ARMC12: variants seen among roughly 807,000 people sequenced by gnomAD.
The protein encoded by ARMC12 is armadillo repeat-containing protein 12.
A neutral mutation model predicts 37.4 loss-of-function variants in ARMC12; 25 were observed. The ratio of observed to expected loss-of-function variants is 0.67; its 90% CI spans 0.49 to 0.93. ARMC12 has a LOEUF of 0.93. ARMC12 is among the 40% of genes least tolerant of loss of function. The pLI is 0.00. For missense variants in ARMC12, 384 were observed against 426.6 expected, an observed-to-expected ratio of 0.90 and a Z score of 0.88; for synonymous variants, 167 against 176.1, an observed-to-expected ratio of 0.95 and a Z score of 0.41.
At chr6:35,737,829 G>A (rs2817040) in intron 1 of ARMC12, among the ~76,000 whole-genome samples, 198 bp from the exon 2 acceptor site, 34,425 of 152,142 alleles carry the variant, frequency 0.23, 4,290 homozygotes, top group South Asian at 0.36. Context: ...GTACGTTATG[G>A]ACAATACAAC....
At chr6:35,738,210 C>T (rs747132136) in intron 2 of ARMC12, 38 bp downstream of exon 2, 10 of 1,591,828 alleles carry the variant, frequency 6.3e-6, no homozygotes, top group South Asian at 1.1e-5. Context: ...CCGGCCTGGC[C>T]CCTGGGGGTT....
At chr6:35,736,099 A>G (rs149712527), upstream of ARMC12, among the ~76,000 whole-genome samples, 1 of 152,186 alleles carries the variant, frequency 6.6e-6, no homozygotes, top group Non-Finnish European at 1.5e-5. Context: ...TCCTTAAAGA[A>G]TGGCAGAACA....
intron 2 of ARMC12, 89 bp from the exon 3 acceptor site, chr6:35,738,295 G>GGGGT: frequency 7.1e-7 from 1 of 1,414,992 alleles, no homozygotes; most frequent in Non-Finnish European, 9.5e-7. Flanking sequence ...GTGGGGGGGG[G>GGGGT]GTGTGCGGAG....
chr6:35,748,688 G>T lies in ARMC12; in HGVS notation c.841G>T (p.Glu281Ter), dbSNP rs894511643. The change falls in exon 6 of 6, where the codon GAA becomes TAA. Residue 281 changes from glutamate (E) to a stop codon, truncating the protein, a stop_gained. Transcript: ENST00000373866. LOFTEE classifies it high-confidence loss of function. ...GCATTACAACGAACAGTCCCTGCAT[G>T]AATCCCTCTTTGGGGAAGAGTCCCG... ...KWHYNEQSLH[E>*]SLFGEESRLA... 1.2e-6 allele frequency: 2 copies of T among 1,614,168 alleles called. No homozygotes were observed. Among genetic ancestry groups the T allele is most frequent in the Admixed American group, 3.3e-5 (2 of 60,016 alleles).
At position 35,738,063 on chromosome 6, in the gene ARMC12, C is replaced by T. The variant is rs140854089; in HGVS notation, c.200C>T (p.Ser67Leu). 3.1e-6 allele frequency: 5 copies of T among 1,613,888 alleles called. No individual in the cohort carries two copies. Among genetic ancestry groups the T allele is most frequent in the Non-Finnish European group, 4.2e-6 (5 of 1,180,048 alleles). The part of the protein sequence containing the change: ...AVERERHGRD[S>L]GELRRLLNSL... ...GAGCGAGAGCGGCACGGGCGGGACT[C>T]AGGTGAGCTCCGGAGGCTCCTCAAC... The change falls in exon 2 of 6, where the codon TCA becomes TTA. Residue 67 changes from serine (S) to leucine (L), a missense_variant. Transcript: ENST00000373866.
At chr6:35,747,671 C>A (rs1281784629) in intron 5 of ARMC12, 24 bp downstream of exon 5, 1 of 1,607,162 alleles carries the variant, frequency 6.2e-7, no homozygotes, top group Non-Finnish European at 8.5e-7. Context: ...TGAAGAGGGG[C>A]TGATGAATGC....
In ARMC12 at chr6:35,738,293, G is replaced by C. The variant is rs1406313858; in HGVS notation, c.310-91G>C. ...CTCTCTGGCTGATAGCGGTGGGGGG[G>C]GGGTGTGCGGAGGGATCTTGGTGAC... is the stretch of plus-strand genomic sequence containing the variant. On this transcript the variant is annotated intron_variant, in intron 2 of 5. Coordinates refer to ENST00000373866, the MANE Select transcript of ARMC12 (RefSeq NM_001286574.2). 3.3e-5 allele frequency: 47 copies of C among 1,431,832 alleles called. 1 individual carries two copies. Among genetic ancestry groups the C allele is most frequent in the Non-Finnish European group, 4.3e-5 (46 of 1,062,318 alleles). The allele number at this position is 1,431,832 out of a possible 1,614,324, so 88.7% of individuals were successfully genotyped here.
intron 4 of ARMC12, 22 bp downstream of exon 4, chr6:35,747,456 G>A (rs1203760496): frequency 6.2e-7 from 1 of 1,614,074 alleles, no homozygotes; most frequent in East Asian, 2.2e-5. Context: ...CCATGGCCAA[G>A]GCCCTGCCTT....
At chr6:35,738,296 G>GGGGGGGGGGGGGGGGT in intron 2 of ARMC12, 88 bp from the exon 3 acceptor site, 1 of 1,394,718 alleles carries the variant, frequency 7.2e-7, no homozygotes, top group Admixed American at 2.0e-5. Context: ...TGGGGGGGGG[G>GGGGGGGGGGGGGGGGT]TGTGCGGAGG....
intron 3 of ARMC12, among the ~76,000 whole-genome samples, chr6:35,744,616 A>C (rs1189742702): frequency 6.6e-6 from 1 of 152,082 alleles, no homozygotes; most frequent in East Asian, 2.0e-4. Flanking sequence ...CTAGCTGGGC[A>C]TGGTGGTGGG....
chr6:35,731,794 T>TGGGCCCA, the ARMC12 span, among the ~76,000 whole-genome samples: 2 of 151,904 alleles, frequency 1.3e-5, no homozygotes, highest in Non-Finnish European at 2.9e-5. Context: ...CCTGAGAACC[T>TGGGCCCA]GGGCCCAGCG....
upstream of ARMC12, among the ~76,000 whole-genome samples, chr6:35,734,811 A>G (rs1766916317): frequency 6.9e-6 from 1 of 145,072 alleles, no homozygotes; most frequent in African/African-American, 2.5e-5. Flanking sequence ...CAAAAAAAAG[A>G]AAAAAAAAAA....
upstream of ARMC12, chr6:35,736,948 G>GACC: frequency 1.8e-6 from 2 of 1,138,298 alleles, no homozygotes; most frequent in Admixed American, 4.6e-5. Flanking sequence ...CCCATTTCCT[G>GACC]ACCACTGCCC....
At position 35,747,281 on chromosome 6, in the gene ARMC12, C is replaced by T. The variant is rs777403664; in HGVS notation, c.465C>T (p.Leu155=). 9 of 1,612,440 alleles carry T rather than the reference C, an allele frequency of 5.6e-6. No homozygotes were observed. The highest frequency in any genetic ancestry group is 1.7e-5 in the Admixed American group (1 of 59,998). The change falls in exon 4 of 6, where the codon CTC becomes CTT. Residue 155 remains leucine, a synonymous_variant. Transcript: ENST00000373866. ...LKIQEHSIKV[L]ELISTIWDTE... ...TCCAGGAACACTCCATCAAAGTACT[C>T]GAACTGATCTCCACCATCTGGGACA...
At chr6:35,744,988 A>G (rs1165605307) in intron 3 of ARMC12, among the ~76,000 whole-genome samples, 1 of 152,250 alleles carries the variant, frequency 6.6e-6, no homozygotes, top group Admixed American at 6.5e-5. Flanking sequence ...TGGCAAAGAT[A>G]TAGAAAAACC....
Position 35,740,206 on chromosome 6 carries a change from A to G in ARMC12, c.444+1688A>G, listed in dbSNP as rs182734201. Reference sequence around the variant, plus strand: ...GGATAACTTCTCCATTACTCCATAGACAAAATGTAAAACACCACATGTCAC... The same window carrying G: ...GGATAACTTCTCCATTACTCCATAGGCAAAATGTAAAACACCACATGTCAC... On this transcript the variant is annotated intron_variant, in intron 3 of 5. Coordinates refer to ENST00000373866, the MANE Select transcript of ARMC12 (RefSeq NM_001286574.2). Among the ~76,000 whole-genome samples, 290 of 152,244 alleles carry G rather than the reference A, an allele frequency of 1.9e-3. 1 individual carries two copies. Among genetic ancestry groups the G allele is most frequent in the African/African-American group, 6.7e-3 (277 of 41,548 alleles).
At chr6:35,744,980 G>A (rs1767293453) in intron 3 of ARMC12, among the ~76,000 whole-genome samples, 1 of 152,110 alleles carries the variant, frequency 6.6e-6, no homozygotes. Context: ...CCAAATGCTG[G>A]CAAAGATATA....
chr6:35,740,897 G>GTTT (rs11365534), intron 3 of ARMC12, among the ~76,000 whole-genome samples: 1,340 of 116,360 alleles, frequency 0.012, 17 homozygotes, highest in Non-Finnish European at 0.015. Context: ...CTTCCTTCTG[G>GTTT]TTTTTTTTTT....
At chr6:35,738,284 G>GGT (rs1176528553) in intron 2 of ARMC12, 100 bp from the exon 3 acceptor site, 24 of 1,105,394 alleles carry the variant, frequency 2.2e-5, no homozygotes, top group African/African-American at 2.1e-4. Flanking sequence ...GGCTGATAGC[G>GGT]GTGGGGGGGG....
Sources: allele counts gnomAD v4.1 joint callset (sites outside exome capture counted in the v4.1 genomes callset), GRCh38; gene constraint gnomAD v4.1.1; transcripts MANE v1.5; gene names NCBI Gene and HGNC (gene_info 2026-07-23, HGNC 2026-07-21).